The following NEURL1 variants were observed in gnomAD, a reference collection of about 807,000 sequenced individuals.
NEURL1 encodes neuralized E3 ubiquitin protein ligase 1.
Under a neutral mutation model 41.2 loss-of-function variants are expected in NEURL1, and 26 were observed. The ratio of observed to expected loss-of-function variants is 0.63; its 90% CI spans 0.46 to 0.87. The LOEUF (loss-of-function observed/expected upper bound fraction) is 0.87. NEURL1 is among the 40% of genes least tolerant of loss of function. The probability of loss-of-function intolerance (pLI) is 0.00; values close to 1 mark genes in which losing one functional copy is unlikely to be tolerated. For synonymous variants in NEURL1, 400 were observed against 402.3 expected (o/e 0.99, Z 0.07); for missense variants, 761 against 871.1 (o/e 0.87, Z 1.59).
chr10:103,571,969 G>T (rs1437589225), intron 3 of NEURL1, 147 bp downstream of exon 3: 2 of 767,838 alleles, frequency 2.6e-6, no homozygotes, highest in African/African-American at 3.5e-5. Flanking sequence ...GGGAACCTTG[G>T]CATGAACTGC....
chr10:103,562,678 TC>T (rs2035323512), intron 1 of NEURL1, among the ~76,000 whole-genome samples: 1 of 152,284 alleles, frequency 6.6e-6, no homozygotes, highest in South Asian at 2.1e-4. Context: ...TGGTGATGCG[TC>T]CTCTGTTAGG....
At chr10:103,573,339 C>T (rs976302505) in intron 3 of NEURL1, among the ~76,000 whole-genome samples, 3 of 152,136 alleles carry the variant, frequency 2.0e-5, no homozygotes, top group Non-Finnish European at 4.4e-5. Flanking sequence ...GTTCATGTCC[C>T]TGAGCTACAG....
chr10:103,504,232 C>T lies in NEURL1; in HGVS notation c.85+9760C>T, dbSNP rs2033895968. Among the ~76,000 whole-genome samples, 3 of 152,010 alleles carry T rather than the reference C, an allele frequency of 2.0e-5. 1 individual carries two copies. The highest frequency in any genetic ancestry group is 4.2e-4 in the South Asian group (2 of 4,764). On this transcript the variant is annotated intron_variant, in intron 1 of 5. Coordinates refer to ENST00000369780, the MANE Select transcript of NEURL1 (RefSeq NM_004210.5). ...GGTCTTGAACCCCTGAACTTGTGAT[C>T]TGCCCTCCTCGGCCTCCCAGAGTGC...
intron 1 of NEURL1, among the ~76,000 whole-genome samples, chr10:103,568,076 G>T (rs1013485054): frequency 6.6e-6 from 1 of 152,144 alleles, no homozygotes; most frequent in Non-Finnish European, 1.5e-5. Context: ...GATTACTTTC[G>T]CATGCTCACA....
At position 103,545,850 on chromosome 10, in the gene NEURL1, G is replaced by A. The variant is rs967292677; in HGVS notation, c.86-25022G>A. The stretch of plus-strand genomic sequence containing the variant: ...TTTTGGAGACGTGTGTGGTGCTGAA[G>A]CTCTGACCCCTAGTGTGGGAGTGGC... On this transcript the variant is annotated intron_variant, in intron 1 of 5. Transcript: ENST00000369780. The surrounding 1 kb of genome is among the most constrained non-coding windows in gnomAD (Gnocchi z 4.5). Among the ~76,000 whole-genome samples, 2 of 152,210 alleles carry A rather than the reference G, an allele frequency of 1.3e-5. No individual in the cohort carries two copies. The highest frequency in any genetic ancestry group is 1.3e-4 in the Admixed American group (2 of 15,282).
At chr10:103,514,600 C>G (rs1480788753) in intron 1 of NEURL1, among the ~76,000 whole-genome samples, 1 of 152,160 alleles carries the variant, frequency 6.6e-6, no homozygotes, top group Non-Finnish European at 1.5e-5. Flanking sequence ...AGACCCCCAG[C>G]CCTGCAGAGA....
Position 103,587,608 on chromosome 10 carries a change from C to T in NEURL1, c.1340-1906C>T, listed in dbSNP as rs1254855526. 2.0e-5 allele frequency among the ~76,000 whole-genome samples: 3 copies of T among 152,180 alleles called. 1 individual carries two copies. On this transcript the variant is annotated intron_variant, in intron 4 of 5. Transcript: ENST00000369780. ...TGGCTTTGTGGCTAGCCTAAGTATACTAAAAATAGAAGGTTATTTCCTTCA... is the reference window on the plus strand; with the variant it reads ...TGGCTTTGTGGCTAGCCTAAGTATATTAAAAATAGAAGGTTATTTCCTTCA...
intron 1 of NEURL1, among the ~76,000 whole-genome samples, chr10:103,533,698 G>A (rs936209303): frequency 2.6e-5 from 4 of 152,084 alleles, no homozygotes; most frequent in South Asian, 2.1e-4. Flanking sequence ...CATCACACCC[G>A]GCTAATTTTT....
rs909168410 is a variant in NEURL1, at chr10:103,494,631, G to A, written c.85+159G>A. The stretch of plus-strand genomic sequence containing the variant: ...GTGGGCTGGGGGTGGAGGGCAGCCG[G>A]CGATGATGGTGATGGAGGATGGCGT... On this transcript the variant is annotated intron_variant, in intron 1 of 5. Coordinates refer to ENST00000369780, the MANE Select transcript of NEURL1 (RefSeq NM_004210.5). The A allele has an allele frequency of 1.1e-5, 7 of 633,990 alleles. No individual in the cohort carries two copies. In the African/African-American group the frequency reaches 1.4e-4, roughly 12 times the overall value. The allele number at this position is 633,990 out of a possible 1,614,324, so 39.3% of individuals were successfully genotyped here.
At chr10:103,576,351 G>A (rs749092865) in intron 3 of NEURL1, among the ~76,000 whole-genome samples, 3 of 152,166 alleles carry the variant, frequency 2.0e-5, no homozygotes, top group East Asian at 1.9e-4. Flanking sequence ...GGGAATTGGC[G>A]GTCAGTAGGG....
chr10:103,559,536 G>T (rs1307768495), intron 1 of NEURL1, among the ~76,000 whole-genome samples: 1 of 152,100 alleles, frequency 6.6e-6, no homozygotes, highest in Non-Finnish European at 1.5e-5. Flanking sequence ...AGGCCAGGCA[G>T]TATTTGGAAA....
At position 103,521,884 on chromosome 10, in the gene NEURL1, A is replaced by G. The variant is rs367989469; in HGVS notation, c.85+27412A>G. 1.1e-3 allele frequency among the ~76,000 whole-genome samples: 172 copies of G among 152,298 alleles called. 3 individuals are homozygous for G. The South Asian group carries it at 0.029, about 26-fold the overall frequency. On this transcript the variant is annotated intron_variant, in intron 1 of 5. Coordinates refer to ENST00000369780, the MANE Select transcript of NEURL1 (RefSeq NM_004210.5). Reference sequence around the variant, plus strand: ...ACCAAACAGGCTTTGTGTGAGCAACAAGGCTGTTTATTTCACCTGGGTGCA... The same window carrying G: ...ACCAAACAGGCTTTGTGTGAGCAACGAGGCTGTTTATTTCACCTGGGTGCA...
intron 1 of NEURL1, among the ~76,000 whole-genome samples, chr10:103,522,085 G>C (rs2034361915): frequency 6.6e-6 from 1 of 152,116 alleles, no homozygotes; most frequent in Non-Finnish European, 1.5e-5. Context: ...AATTTCACAA[G>C]GTTAATCACT....
intron 3 of NEURL1, among the ~76,000 whole-genome samples, chr10:103,583,143 C>T (rs902991): frequency 0.77 from 117,310 of 152,058 alleles, 45,797 homozygotes; most frequent in African/African-American, 0.88. Context: ...GTTATTGGCA[C>T]GGAGAGGTGT....
intron 1 of NEURL1, among the ~76,000 whole-genome samples, chr10:103,570,221 A>G (rs1207998369): frequency 6.6e-6 from 1 of 152,114 alleles, no homozygotes; most frequent in East Asian, 1.9e-4. Context: ...TTGGGCATGG[A>G]TCTTGGGGGC....
At chr10:103,559,811 T>C (rs1317300903) in intron 1 of NEURL1, among the ~76,000 whole-genome samples, 3 of 152,050 alleles carry the variant, frequency 2.0e-5, no homozygotes, top group Admixed American at 1.3e-4. Flanking sequence ...TCTAGGTCTG[T>C]GTGTGCTTGC....
chr10:103,588,568 G>T (rs1213083417), intron 4 of NEURL1, among the ~76,000 whole-genome samples: 1 of 152,096 alleles, frequency 6.6e-6, no homozygotes, highest in East Asian at 1.9e-4. Flanking sequence ...TCTGCACGGG[G>T]CCTGATGCCT....
rs542718156 is a variant in NEURL1, at chr10:103,504,200, T to A, written c.85+9728T>A. ...GAGAGCTGGGGTTTCACCATGTTGG[T>A]CAGGCTGGTCTTGAACCCCTGAACT... On this transcript the variant is annotated intron_variant, in intron 1 of 5. Transcript: ENST00000369780. Among the ~76,000 whole-genome samples the A allele has an allele frequency of 3.3e-5, 5 of 151,548 alleles. No individual in the cohort carries two copies. In the East Asian group the frequency reaches 9.7e-4, roughly 29 times the overall value.
At chr10:103,530,771 C>A (rs1466617427) in intron 1 of NEURL1, among the ~76,000 whole-genome samples, 2 of 151,574 alleles carry the variant, frequency 1.3e-5, no homozygotes, top group Non-Finnish European at 2.9e-5. Context: ...TAACTCCCGA[C>A]CTCAGGTGAT....
Sources: allele counts gnomAD v4.1 joint callset (sites outside exome capture counted in the v4.1 genomes callset), GRCh38; gene constraint gnomAD v4.1.1; non-coding constraint Gnocchi (gnomAD v3.1); transcripts MANE v1.5; gene names NCBI Gene and HGNC (gene_info 2026-07-23, HGNC 2026-07-21).